Variants in CECR2 observed in about 807,000 individuals in gnomAD.
The protein encoded by CECR2 is CECR2 histone acetyl-lysine reader, also known as chromatin remodeling regulator CECR2.
A neutral mutation model predicts 154.5 loss-of-function variants in CECR2; 30 were observed. The ratio of observed to expected loss-of-function variants is 0.19; its 90% confidence interval spans 0.15 to 0.26. CECR2 has a LOEUF of 0.26. Among genes scored for constraint, CECR2 ranks in the 10% least tolerant of loss-of-function variants. CECR2 has a pLI of 1.00. For synonymous variants in CECR2, 725 were observed against 683.7 expected (o/e 1.06, Z -0.94); for missense variants, 1,743 against 1,829.3 (o/e 0.95, Z 0.86).
At chr22:17,378,187 G>C (rs1269664062) in intron 1 of CECR2, among the ~76,000 whole-genome samples, 1 of 151,426 alleles carries the variant, frequency 6.6e-6, no homozygotes, top group African/African-American at 2.4e-5. Flanking sequence ...GTTTCACCGT[G>C]TTAGCCAGGA....
At chr22:17,414,180 G>C (rs1433251865) in intron 1 of CECR2, among the ~76,000 whole-genome samples, 1 of 151,640 alleles carries the variant, frequency 6.6e-6, no homozygotes, top group South Asian at 2.1e-4. Context: ...CACTGTGTTA[G>C]CCAGGATGGT....
intron 2 of CECR2, among the ~76,000 whole-genome samples, chr22:17,479,411 G>T (rs970411601): frequency 6.6e-6 from 1 of 152,166 alleles, no homozygotes; most frequent in Non-Finnish European, 1.5e-5. Context: ...AATCATTACA[G>T]TAATGATTAT....
chr22:17,452,621 C>G (rs2054789673), intron 1 of CECR2, among the ~76,000 whole-genome samples: 1 of 152,008 alleles, frequency 6.6e-6, no homozygotes, highest in African/African-American at 2.4e-5. Context: ...GTACCATTGA[C>G]CGAGATGGGG....
At chr22:17,481,381 T>C (rs1480686378) in intron 2 of CECR2, among the ~76,000 whole-genome samples, 1 of 150,810 alleles carries the variant, frequency 6.6e-6, no homozygotes, top group Non-Finnish European at 1.5e-5. Flanking sequence ...CATTTAGTTG[T>C]GCATAATTCG....
upstream of CECR2, among the ~76,000 whole-genome samples, chr22:17,367,801 T>C (rs751589061): frequency 4.6e-5 from 7 of 152,226 alleles, no homozygotes; most frequent in Non-Finnish European, 8.8e-5. Flanking sequence ...GTGGCCTGTG[T>C]CCCTCTCCCA....
intron 1 of CECR2, among the ~76,000 whole-genome samples, chr22:17,392,663 C>CA (rs1274716726): frequency 6.6e-6 from 1 of 150,814 alleles, no homozygotes; most frequent in Non-Finnish European, 1.5e-5. Context: ...GCCTGAGTGA[C>CA]AGAGCAAGAC....
intron 7 of CECR2, among the ~76,000 whole-genome samples, chr22:17,507,836 G>A (rs1189178669): frequency 1.3e-5 from 2 of 152,144 alleles, no homozygotes; most frequent in East Asian, 3.8e-4. Context: ...CTATTAACCA[G>A]AAGAATAGTA....
chr22:17,371,973 A>G (rs2146440124), intron 1 of CECR2, among the ~76,000 whole-genome samples: 1 of 152,348 alleles, frequency 6.6e-6, no homozygotes, highest in East Asian at 1.9e-4. Context: ...TAAACTGATT[A>G]AAGAGGTCAA....
chr22:17,479,140 C>T (rs2055262006), intron 2 of CECR2, among the ~76,000 whole-genome samples: 1 of 152,146 alleles, frequency 6.6e-6, no homozygotes, highest in Non-Finnish European at 1.5e-5. Flanking sequence ...TAGCTTTGTA[C>T]AAAATTCACC....
intron 1 of CECR2, among the ~76,000 whole-genome samples, chr22:17,385,530 T>C (rs1402814596): frequency 1.3e-5 from 2 of 152,232 alleles, no homozygotes; most frequent in East Asian, 3.8e-4. Flanking sequence ...GAGTTTGCTG[T>C]TTTATGTGGG....
In CECR2 at chr22:17,482,099, A is replaced by G. The variant is rs562570574; in HGVS notation, c.221+4417A>G. 6.6e-4 allele frequency among the ~76,000 whole-genome samples: 74 copies of G among 112,188 alleles called. 1 individual carries two copies. The highest frequency in any genetic ancestry group is 2.6e-3 in the African/African-American group (72 of 27,208). The allele number at this position is 112,188 out of a possible 152,430, so 73.6% of individuals were successfully genotyped here. A position where few individuals can be genotyped will look rare whatever the true frequency, so the allele number is the denominator to read the frequency against. ...CACTGCTCTCCAGCCTGGGTGACAG[A>G]TCGAGACTCTGTCTCCAAAAAAAAA... On this transcript the variant is annotated intron_variant, in intron 2 of 18. Transcript: ENST00000262608.
chr22:17,415,985 C>G (rs573678023), intron 1 of CECR2, among the ~76,000 whole-genome samples: 1 of 152,302 alleles, frequency 6.6e-6, no homozygotes, highest in East Asian at 1.9e-4. Flanking sequence ...AGTACACTCA[C>G]GATTTCTGGG....
intron 1 of CECR2, among the ~76,000 whole-genome samples, chr22:17,370,526 C>T (rs1049656594): frequency 1.3e-5 from 2 of 152,144 alleles, no homozygotes; most frequent in East Asian, 3.9e-4. Context: ...AAGTTTGGGA[C>T]TCCGTTATTC....
chr22:17,465,604 C>T (rs2055018271), intron 1 of CECR2, among the ~76,000 whole-genome samples: 1 of 152,152 alleles, frequency 6.6e-6, no homozygotes, highest in Non-Finnish European at 1.5e-5. Flanking sequence ...CCTGGCTCAA[C>T]CTCCTGAGTA....
In CECR2 at chr22:17,500,739, A is replaced by C. The variant is rs2055722702; in HGVS notation, c.650+4A>C. ...TGCAGGAGGAGATTCTGTTGAGGTA[A>C]GAAAATCTTGTTAGTTGTGGTCATA... On this transcript the variant is annotated splice_donor_region_variant and intron_variant, in intron 5 of 18. Transcript: ENST00000262608. 1 of 1,539,798 alleles carries C rather than the reference A, an allele frequency of 6.5e-7. No homozygotes were observed. The highest frequency in any genetic ancestry group is 8.8e-7 in the Non-Finnish European group (1 of 1,139,182).
At chr22:17,472,781 G>C (rs1156468129) in intron 1 of CECR2, among the ~76,000 whole-genome samples, 1 of 152,140 alleles carries the variant, frequency 6.6e-6, no homozygotes, top group East Asian at 1.9e-4. Flanking sequence ...TGTTATTTAA[G>C]AAAAGTTGTG....
rs1404757694 is a variant in CECR2 at position 17,529,292 on chromosome 22, G to A, written c.1108+5021G>A. Among the ~76,000 whole-genome samples, 6 of 152,040 alleles carry A rather than the reference G, an allele frequency of 3.9e-5. No individual in the cohort carries two copies. In the East Asian group the frequency reaches 9.6e-4, roughly 24 times the overall value. ...CACAGGAAGGCTGGCTGGAAGTCCC[G>A]GCGCGGCTGGAGCGGAGCAGAGCAG... On this transcript the variant is annotated intron_variant, in intron 9 of 18. Transcript: ENST00000262608.
intron 1 of CECR2, among the ~76,000 whole-genome samples, chr22:17,394,403 C>A (rs895891997): frequency 1.3e-5 from 2 of 151,588 alleles, no homozygotes; most frequent in African/African-American, 2.4e-5. Flanking sequence ...GAGACAGGGT[C>A]TTACTATGCT....
chr22:17,526,405 AAG>A (rs1458434203), intron 9 of CECR2, among the ~76,000 whole-genome samples: 1 of 152,236 alleles, frequency 6.6e-6, no homozygotes, highest in Non-Finnish European at 1.5e-5. Context: ...CACTGGGGAA[AAG>A]AGTCTCTTCT....
Sources: allele counts gnomAD v4.1 joint callset (sites outside exome capture counted in the v4.1 genomes callset), GRCh38; gene constraint gnomAD v4.1.1; transcripts MANE v1.5; gene names NCBI Gene and HGNC (gene_info 2026-07-23, HGNC 2026-07-21).